The following RPH3A variants were observed in gnomAD, a reference collection of about 807,000 sequenced individuals.
The protein encoded by RPH3A is rabphilin 3A.
A neutral mutation model predicts 102.2 loss-of-function variants in RPH3A; 48 were observed. The observed-to-expected ratio is 0.47, with a 90% confidence interval of 0.37 to 0.60. The LOEUF is 0.60. Ranked by LOEUF, RPH3A falls within the 20% of genes least tolerant of loss-of-function variation. The pLI, the probability that RPH3A is intolerant of heterozygous loss-of-function variation, is 0.00. For synonymous variants in RPH3A, 310 were observed against 324.3 expected (o/e 0.96, Z 0.47); for missense variants, 781 against 910.1 (o/e 0.86, Z 1.83).
rs2042781987 is a variant in RPH3A, at chr12:112,875,561, G to A, written c.884-118G>A. 10 of 817,066 alleles carry A rather than the reference G, an allele frequency of 1.2e-5. No individual in the cohort carries two copies. The Admixed American group carries it at 1.6e-4, about 13-fold the overall frequency. 50.6% of individuals were successfully genotyped at this position (817,066 alleles called of 1,614,324 possible). On this transcript the variant is annotated intron_variant, in intron 11 of 21. Transcript: ENST00000389385. Reference sequence around the variant, plus strand: ...CCAGTGGGACTGTTTCTGCAGCCTCGGGTACCTTTCTGCCTTCGGGCCTGT... The same window carrying A: ...CCAGTGGGACTGTTTCTGCAGCCTCAGGTACCTTTCTGCCTTCGGGCCTGT...
At chr12:112,881,041 C>T (rs1046734105) in intron 14 of RPH3A, among the ~76,000 whole-genome samples, 13 of 152,078 alleles carry the variant, frequency 8.5e-5, no homozygotes, top group Admixed American at 5.9e-4. Context: ...TAAGTGGACC[C>T]ACACAGTTCA....
At chr12:112,639,768 A>C (rs2039873354) in intron 1 of RPH3A, among the ~76,000 whole-genome samples, 1 of 152,192 alleles carries the variant, frequency 6.6e-6, no homozygotes, top group African/African-American at 2.4e-5. Flanking sequence ...ATCTGTACAC[A>C]TCAGACTGAC....
At chr12:112,614,009 T>C (rs1301669341) in intron 1 of RPH3A, among the ~76,000 whole-genome samples, 1 of 152,128 alleles carries the variant, frequency 6.6e-6, no homozygotes, top group African/African-American at 2.4e-5. Flanking sequence ...ATTGGGCTGA[T>C]ACGCTTTGAA....
At chr12:112,784,153 T>A (rs1957556654) in intron 1 of RPH3A, among the ~76,000 whole-genome samples, 1 of 152,130 alleles carries the variant, frequency 6.6e-6, no homozygotes, top group African/African-American at 2.4e-5. Context: ...TGGCGGTGGG[T>A]AGAAAATGTA....
chr12:112,831,171 T>C (rs1398062061), intron 3 of RPH3A, among the ~76,000 whole-genome samples: 1 of 144,668 alleles, frequency 6.9e-6, no homozygotes, highest in Non-Finnish European at 1.5e-5. Flanking sequence ...AGTTTGCCGA[T>C]CCATTACATA....
At chr12:112,823,848 G>A (rs141610034) in intron 2 of RPH3A, among the ~76,000 whole-genome samples, 1 of 152,308 alleles carries the variant, frequency 6.6e-6, no homozygotes, top group East Asian at 1.9e-4. Context: ...AACTCCTCAT[G>A]AAGAGTTGGC....
At chr12:112,847,553 G>C (rs1337430522) in intron 4 of RPH3A, 143 bp from the exon 5 acceptor site, 1 of 858,438 alleles carries the variant, frequency 1.2e-6, no homozygotes. Context: ...GGAAGTATGT[G>C]TGTCCCATTG....
chr12:112,612,172 G>A (rs543011855), intron 1 of RPH3A, among the ~76,000 whole-genome samples: 4 of 152,310 alleles, frequency 2.6e-5, no homozygotes, highest in African/African-American at 9.6e-5. Flanking sequence ...TATTTTTTGG[G>A]GGGGTGGGCT....
chr12:112,592,826 C>T (rs1023179581), intron 1 of RPH3A, among the ~76,000 whole-genome samples: 6 of 152,286 alleles, frequency 3.9e-5, no homozygotes, highest in African/African-American at 7.2e-5. Context: ...CGGGGCCACA[C>T]GACTTATTCC....
intron 5 of RPH3A, among the ~76,000 whole-genome samples, chr12:112,849,283 C>T (rs1381314553): frequency 6.6e-6 from 1 of 152,134 alleles, no homozygotes; most frequent in Non-Finnish European, 1.5e-5. Context: ...ACACTTGGCC[C>T]TCTGTCAGCC....
intron 1 of RPH3A, among the ~76,000 whole-genome samples, chr12:112,678,303 A>AGAGAGAGAGAGAGAGAGAGAGAG (rs1555283198): frequency 1.4e-4 from 7 of 50,196 alleles, no homozygotes; most frequent in Admixed American, 2.0e-4. Context: ...GAAAGAAAGA[A>AGAGAGAGAGAGAGAGAGAGAGAG]AGAGAGAGAG....
At chr12:112,837,703 T>G (rs575414946) in intron 4 of RPH3A, 22 of 455,390 alleles carry the variant, frequency 4.8e-5, no homozygotes, top group South Asian at 3.1e-4. Flanking sequence ...TGGAGAGAGA[T>G]GCTGAGTCAT....
intron 1 of RPH3A, among the ~76,000 whole-genome samples, chr12:112,670,448 A>G (rs574088250): frequency 9.9e-5 from 15 of 152,172 alleles, no homozygotes; most frequent in African/African-American, 3.6e-4. Context: ...TTTTCTACTG[A>G]TCTCTTGAAT....
Position 112,719,733 on chromosome 12 carries a change from G to A in RPH3A, c.-139-72410G>A, listed in dbSNP as rs148746200. Among the ~76,000 whole-genome samples the A allele has an allele frequency of 2.5e-3, 385 of 152,238 alleles. 2 individuals are homozygous for A. The highest frequency in any genetic ancestry group is 8.9e-3 in the African/African-American group (369 of 41,534). On this transcript the variant is annotated intron_variant, in intron 1 of 21. Coordinates refer to the RPH3A transcript ENST00000543106. ...AGTTGACTAATACATTTTGACTATGGGGTAAGAGGTTATAACAGAGAAGAT... is the reference window on the plus strand; with the variant it reads ...AGTTGACTAATACATTTTGACTATGAGGTAAGAGGTTATAACAGAGAAGAT...
rs552046416 is a variant in RPH3A, at chr12:112,849,226, G to A, written c.230+1384G>A. Among the ~76,000 whole-genome samples the A allele has an allele frequency of 2.6e-4, 39 of 152,298 alleles. No homozygotes were observed. In the East Asian group the frequency reaches 7.1e-3, roughly 28 times the overall value. Reference sequence around the variant, plus strand: ...TCAGGGCAGGCTAGGGAAATAGGGGGTGTTGTTGACAAGTGACAAACATCT... The same window carrying A: ...TCAGGGCAGGCTAGGGAAATAGGGGATGTTGTTGACAAGTGACAAACATCT... On this transcript the variant is annotated intron_variant, in intron 5 of 21. Coordinates refer to ENST00000389385, the MANE Select transcript of RPH3A (RefSeq NM_001143854.2).
chr12:112,754,174 G>T (rs2040805527), intron 1 of RPH3A, among the ~76,000 whole-genome samples: 1 of 152,174 alleles, frequency 6.6e-6, no homozygotes, highest in African/African-American at 2.4e-5. Flanking sequence ...AGCAGAAGTA[G>T]GAAATTAATT....
At chr12:112,698,676 T>G (rs896704232) in intron 1 of RPH3A, among the ~76,000 whole-genome samples, 1 of 152,204 alleles carries the variant, frequency 6.6e-6, no homozygotes, top group African/African-American at 2.4e-5. Flanking sequence ...GTGACATATA[T>G]TCCCACTGAG....
intron 1 of RPH3A, among the ~76,000 whole-genome samples, chr12:112,746,930 T>C (rs1348920514): frequency 6.6e-6 from 1 of 152,188 alleles, no homozygotes; most frequent in Non-Finnish European, 1.5e-5. Flanking sequence ...GCCACCTTCT[T>C]CCACCCTCCC....
chr12:112,732,250 A>G (rs996702032), intron 1 of RPH3A, among the ~76,000 whole-genome samples: 4 of 152,154 alleles, frequency 2.6e-5, no homozygotes, highest in African/African-American at 9.7e-5. Context: ...GCTACTTCTG[A>G]GAGCTGGACT....
Sources: gnomAD v4.1 joint callset for allele counts (sites outside exome capture counted in the v4.1 genomes callset) on GRCh38, gnomAD v4.1.1 for gene constraint, MANE v1.5 for transcripts, NCBI Gene and HGNC (gene_info 2026-07-23, HGNC 2026-07-21) for gene names.